Variants in SLC41A3 observed in about 807,000 individuals in gnomAD.
The protein encoded by SLC41A3 is solute carrier family 41 member 3, also known as SLC41A1-like 2.
A neutral mutation model predicts 45.4 loss-of-function variants in SLC41A3; 44 were observed. The observed-to-expected ratio is 0.97, with a 90% CI of 0.76 to 1.25. The LOEUF (loss-of-function observed/expected upper bound fraction) is 1.25. SLC41A3 is among the 50% of genes most tolerant of loss of function. SLC41A3 has a pLI of 0.00. For synonymous variants in SLC41A3, 256 were observed against 252.4 expected, an observed-to-expected ratio of 1.01 and a Z score of -0.13; for missense variants, 550 against 600.6, an observed-to-expected ratio of 0.92 and a Z score of 0.88.
At chr3:126,055,104 A>C (rs1943573559) in intron 2 of SLC41A3, among the ~76,000 whole-genome samples, 1 of 152,176 alleles carries the variant, frequency 6.6e-6, no homozygotes, top group African/African-American at 2.4e-5. Context: ...ACCCAGGGGC[A>C]CAGAAAGACT....
chr3:126,063,949 A>ACCCCACCCCCCC (rs1944207338), intron 2 of SLC41A3, among the ~76,000 whole-genome samples: 1 of 101,994 alleles, frequency 9.8e-6, no homozygotes, highest in Non-Finnish European at 2.1e-5. Context: ...GCCAGATCCA[A>ACCCCACCCCCCC]CCCCCCCCCG....
intron 1 of SLC41A3, among the ~76,000 whole-genome samples, chr3:126,082,137 T>A (rs1412820732): frequency 1.3e-5 from 2 of 152,186 alleles, no homozygotes; most frequent in African/African-American, 2.4e-5. Flanking sequence ...TCCACCTGAA[T>A]GTTGGAGTGT....
chr3:126,024,676 G>C (rs553126284), intron 5 of SLC41A3: 50 of 152,346 alleles, frequency 3.3e-4, no homozygotes, highest in African/African-American at 1.2e-3. Flanking sequence ...CAAGTAGGTG[G>C]GGGAATGGAT....
At chr3:126,079,579 G>A (rs1291916446) in intron 1 of SLC41A3, among the ~76,000 whole-genome samples, 1 of 152,036 alleles carries the variant, frequency 6.6e-6, no homozygotes, top group Non-Finnish European at 1.5e-5. Flanking sequence ...AAGAGGTTAG[G>A]GAAATAAAAA....
At chr3:126,034,206 C>A (rs1169162758) in intron 3 of SLC41A3, among the ~76,000 whole-genome samples, 1 of 152,188 alleles carries the variant, frequency 6.6e-6, no homozygotes, top group Non-Finnish European at 1.5e-5. Context: ...CTCAATGTCA[C>A]CTTGGCAAAA....
intron 3 of SLC41A3, among the ~76,000 whole-genome samples, chr3:126,047,174 G>A (rs2107856257): frequency 6.6e-6 from 1 of 152,058 alleles, no homozygotes; most frequent in African/African-American, 2.4e-5. Context: ...ACCAACCTGG[G>A]CAACATGGTG....
chr3:126,068,560 T>G (rs747638355), intron 1 of SLC41A3, among the ~76,000 whole-genome samples: 1 of 152,082 alleles, frequency 6.6e-6, no homozygotes, highest in Non-Finnish European at 1.5e-5. Context: ...ACTGTCAAAA[T>G]CATCTTTTTC....
intron 1 of SLC41A3, among the ~76,000 whole-genome samples, chr3:126,100,585 G>A (rs1945689190): frequency 6.6e-6 from 1 of 152,196 alleles, no homozygotes; most frequent in Non-Finnish European, 1.5e-5. Flanking sequence ...GCCACCATAT[G>A]AAGTCACATA....
chr3:126,035,099 C>T (rs2107781518), intron 3 of SLC41A3, among the ~76,000 whole-genome samples: 1 of 152,230 alleles, frequency 6.6e-6, no homozygotes, highest in Non-Finnish European at 1.5e-5. Context: ...GAGAGAGAGA[C>T]ATGAGAGGGG....
At chr3:126,068,950 C>T (rs1178774561) in intron 1 of SLC41A3, among the ~76,000 whole-genome samples, 1 of 152,158 alleles carries the variant, frequency 6.6e-6, no homozygotes, top group Admixed American at 6.5e-5. Flanking sequence ...CAATTATAGG[C>T]ACAGTGGCTA....
chr3:126,085,107 C>A (rs1018501386), upstream of SLC41A3, among the ~76,000 whole-genome samples: 5 of 152,228 alleles, frequency 3.3e-5, no homozygotes, highest in South Asian at 4.1e-4. Context: ...CAATTGTCAA[C>A]CAGAAAATGT....
intron 6 of SLC41A3, among the ~76,000 whole-genome samples, 154 bp from the exon 7 acceptor site, chr3:126,017,029 C>T (rs1247022982): frequency 6.6e-6 from 1 of 152,150 alleles, no homozygotes; most frequent in East Asian, 1.9e-4. Flanking sequence ...AGAACTTTCA[C>T]CATCCCAAGA....
At chr3:126,061,882 A>G (rs1235063248) in intron 2 of SLC41A3, among the ~76,000 whole-genome samples, 1 of 152,134 alleles carries the variant, frequency 6.6e-6, no homozygotes, top group Non-Finnish European at 1.5e-5. Context: ...CCCACCCTAA[A>G]GGGTTATTTT....
intron 1 of SLC41A3, among the ~76,000 whole-genome samples, chr3:126,100,332 C>T (rs1407661675): frequency 6.6e-6 from 1 of 152,170 alleles, no homozygotes; most frequent in Non-Finnish European, 1.5e-5. Context: ...GCCCCAGCTT[C>T]ACCACATCAG....
chr3:126,037,882 TG>T (rs1221106598), intron 3 of SLC41A3, among the ~76,000 whole-genome samples: 6 of 152,082 alleles, frequency 3.9e-5, no homozygotes, highest in Non-Finnish European at 8.8e-5. Flanking sequence ...ACAGGTCCAG[TG>T]GCTTAGGAGG....
intron 1 of SLC41A3, among the ~76,000 whole-genome samples, chr3:126,074,783 T>A (rs1944798593): frequency 6.6e-6 from 1 of 152,196 alleles, no homozygotes; most frequent in African/African-American, 2.4e-5. Context: ...TAGGCTCAAG[T>A]AATCCTCCCA....
chr3:126,039,165 C>A (rs1942412231), intron 3 of SLC41A3, among the ~76,000 whole-genome samples: 1 of 152,200 alleles, frequency 6.6e-6, no homozygotes, highest in South Asian at 2.1e-4. Context: ...TTATAAATTA[C>A]CCAGTCTCAA....
At chr3:126,065,456 T>C (rs1484843375) in intron 2 of SLC41A3, among the ~76,000 whole-genome samples, 1 of 152,210 alleles carries the variant, frequency 6.6e-6, no homozygotes, top group Non-Finnish European at 1.5e-5. Flanking sequence ...AACTGAACAC[T>C]AACCAGCCAA....
At chr3:126,052,350 C>T (rs906142822) in intron 2 of SLC41A3, among the ~76,000 whole-genome samples, 1 of 152,120 alleles carries the variant, frequency 6.6e-6, no homozygotes, top group Non-Finnish European at 1.5e-5. Flanking sequence ...GGCCTTTGGG[C>T]ACCACCACCC....
Sources: allele counts gnomAD v4.1 joint callset (sites outside exome capture counted in the v4.1 genomes callset), GRCh38; gene constraint gnomAD v4.1.1; transcripts MANE v1.5; gene names NCBI Gene and HGNC (gene_info 2026-07-23, HGNC 2026-07-21).